RBFOX3: variants seen among roughly 807,000 people sequenced by gnomAD.
RBFOX3 encodes the protein RNA binding fox-1 homolog 3.
RBFOX3 carries 17 observed loss-of-function variants against 48.7 expected under a neutral mutation model. That is an observed-to-expected ratio of 0.35 (90% CI 0.24 to 0.52). The LOEUF is 0.52. RBFOX3 is among the 20% of genes least tolerant of loss of function. The pLI, the probability that RBFOX3 is intolerant of heterozygous loss-of-function variation, is 0.94. For synonymous variants in RBFOX3, 212 were observed against 209.5 expected (o/e 1.01, Z -0.10); for missense variants, 382 against 497.5 (o/e 0.77, Z 2.21).
rs114717368 is a variant in RBFOX3, at chr17:79,244,289, C to T, written c.-73-8484G>A. Reference sequence around the variant, plus strand: ...AGTGATGTAGCCACAGGCTAGGGCGCGCTGAAAACTGCCAGGAGACTTGAA... The same window carrying T: ...AGTGATGTAGCCACAGGCTAGGGCGTGCTGAAAACTGCCAGGAGACTTGAA... On this transcript the variant is annotated intron_variant, in intron 3 of 14. Transcript: ENST00000693108. Among the ~76,000 whole-genome samples, 844 of 152,158 alleles carry T rather than the reference C, an allele frequency of 5.5e-3. 6 individuals are homozygous for T. Among genetic ancestry groups the T allele is most frequent in the African/African-American group, 0.018 (756 of 41,496 alleles).
At chr17:79,250,567 G>A (rs768237450) in intron 3 of RBFOX3, among the ~76,000 whole-genome samples, 10 of 152,180 alleles carry the variant, frequency 6.6e-5, no homozygotes, top group Non-Finnish European at 1.5e-4. Context: ...CTGCTTGGCC[G>A]ATACTCAATG....
intron 1 of RBFOX3, among the ~76,000 whole-genome samples, chr17:79,571,003 A>G (rs1401012252): frequency 9.8e-5 from 15 of 152,348 alleles, no homozygotes; most frequent in Admixed American, 9.8e-4. Flanking sequence ...ATAGAGTGGC[A>G]GGGAGGAGGA....
intron 4 of RBFOX3, among the ~76,000 whole-genome samples, chr17:79,164,877 C>T (rs1199436077): frequency 6.6e-6 from 1 of 152,190 alleles, no homozygotes. Flanking sequence ...TAACTTCCCT[C>T]GCCCCTCTTC....
chr17:79,124,885 G>A (rs2036757314), intron 4 of RBFOX3, among the ~76,000 whole-genome samples: 1 of 151,960 alleles, frequency 6.6e-6, no homozygotes, highest in Non-Finnish European at 1.5e-5. Context: ...TCGTCGGCTG[G>A]CTCTGTCCTG....
chr17:79,259,998 A>T (rs1022531811), intron 3 of RBFOX3, among the ~76,000 whole-genome samples: 3 of 151,822 alleles, frequency 2.0e-5, no homozygotes, highest in African/African-American at 7.3e-5. Flanking sequence ...CTGGCCGCTG[A>T]CTTTCCCTGG....
At chr17:79,230,539 G>C (rs1434759734) in intron 4 of RBFOX3, among the ~76,000 whole-genome samples, 1 of 152,098 alleles carries the variant, frequency 6.6e-6, no homozygotes, top group Non-Finnish European at 1.5e-5. Flanking sequence ...GATTACAGGG[G>C]TGAGCCACGG....
intron 2 of RBFOX3, among the ~76,000 whole-genome samples, chr17:79,430,380 T>C (rs182020971): frequency 6.6e-6 from 1 of 152,260 alleles, no homozygotes; most frequent in Admixed American, 6.5e-5. Flanking sequence ...CATCCGTAAA[T>C]GGAAAACCCC....
intron 2 of RBFOX3, among the ~76,000 whole-genome samples, chr17:79,468,520 G>A (rs1368588994): frequency 6.6e-6 from 1 of 152,168 alleles, no homozygotes; most frequent in Non-Finnish European, 1.5e-5. Flanking sequence ...CACAGACATA[G>A]GTAGATAGAT....
chr17:79,195,727 A>T lies in RBFOX3; in HGVS notation c.-34+40039T>A, dbSNP rs921331416. On this transcript the variant is annotated intron_variant, in intron 4 of 14. Coordinates refer to ENST00000693108, the MANE Select transcript of RBFOX3 (RefSeq NM_001350451.2). The surrounding 1 kb of genome is among the most constrained non-coding windows in gnomAD (Gnocchi z 5.3). Reference sequence around the variant, plus strand: ...CCCTCCCCTACGACCGGACAGCACCAGGAAACCAGCACTCTGTTTTGGGGT... The same window carrying T: ...CCCTCCCCTACGACCGGACAGCACCTGGAAACCAGCACTCTGTTTTGGGGT... 6.6e-6 allele frequency among the ~76,000 whole-genome samples: 1 copy of T among 152,212 alleles called. No individual in the cohort carries two copies. The highest frequency in any genetic ancestry group is 1.5e-5 in the Non-Finnish European group (1 of 68,034).
Position 79,103,228 on chromosome 17 carries a change from A to G in RBFOX3, c.441T>C (p.Thr147=). The part of the protein sequence containing the change: ...SKGFGFVTFE[T]SSDADRAREK... The stretch of plus-strand genomic sequence containing the variant: ...CCCGGGCTCGGTCAGCATCTGAGCT[A>G]GTTTCAAAAGTTACAAACCCAAAAC... The change falls in exon 8 of 15, where the codon ACT becomes ACC. Residue 147 remains threonine (T), a synonymous_variant. Coordinates refer to ENST00000693108, the MANE Select transcript of RBFOX3 (RefSeq NM_001350451.2). The surrounding 1 kb of genome is among the most constrained non-coding windows in gnomAD (Gnocchi z 6.1). 1.3e-6 allele frequency: 2 copies of G among 1,551,270 alleles called. No homozygotes were observed. Among genetic ancestry groups the G allele is most frequent in the South Asian group, 1.2e-5 (1 of 84,058 alleles).
intron 2 of RBFOX3, among the ~76,000 whole-genome samples, chr17:79,331,412 G>C (rs962795493): frequency 1.1e-4 from 16 of 152,264 alleles, no homozygotes; most frequent in African/African-American, 3.9e-4. Flanking sequence ...AAGCCTCTGG[G>C]GGGTGCATCA....
chr17:79,255,228 T>C (rs1298723512), intron 3 of RBFOX3, among the ~76,000 whole-genome samples: 5 of 139,886 alleles, frequency 3.6e-5, no homozygotes, highest in African/African-American at 1.0e-4. Flanking sequence ...TGTGCGTGTG[T>C]GTGTGTGTGT....
chr17:79,133,435 G>A (rs1244590473), intron 4 of RBFOX3, among the ~76,000 whole-genome samples: 3 of 152,072 alleles, frequency 2.0e-5, no homozygotes, highest in African/African-American at 7.2e-5. Flanking sequence ...GCCATCTCTG[G>A]GACACCATGG....
At position 79,115,683 on chromosome 17, in the gene RBFOX3, G is replaced by A. The variant is rs530721444; in HGVS notation, c.33C>T (p.Pro11=). MAQPYPPAQY[P]PPPQNGIPAE... ...CAGGGATGCCGTTCTGTGGCGGAGG[G>A]GGGTACTGGGCGGGGGGGTAGGGCT... is the stretch of plus-strand genomic sequence containing the variant. The change falls in exon 5 of 15, where the codon CCC becomes CCT. Residue 11 remains proline (P), a synonymous_variant. Transcript: ENST00000693108. 11 of 984,818 alleles carry A rather than the reference G, an allele frequency of 1.1e-5. No individual in the cohort carries two copies. Among genetic ancestry groups the A allele is most frequent in the South Asian group, 3.1e-5 (2 of 63,528 alleles). 61.0% of individuals were successfully genotyped at this position (984,818 alleles called of 1,614,324 possible). A position where few individuals can be genotyped will look rare whatever the true frequency, so the allele number is the denominator to read the frequency against.
At chr17:79,467,318 G>A (rs112576744) in intron 2 of RBFOX3, among the ~76,000 whole-genome samples, 4 of 152,286 alleles carry the variant, frequency 2.6e-5, no homozygotes, top group African/African-American at 9.6e-5. Flanking sequence ...AGATTTCAGG[G>A]GATGAGTGAT....
chr17:79,319,266 A>G (rs12949118), intron 2 of RBFOX3, among the ~76,000 whole-genome samples: 45,524 of 152,076 alleles, frequency 0.3, 7,568 homozygotes, highest in African/African-American at 0.44. Flanking sequence ...GCACTGTATC[A>G]CCAAGAAGTA....
chr17:79,356,980 CTA>C (rs1369225622), intron 2 of RBFOX3, among the ~76,000 whole-genome samples: 1 of 152,186 alleles, frequency 6.6e-6, no homozygotes, highest in Non-Finnish European at 1.5e-5. Flanking sequence ...GCTTGAGAAG[CTA>C]TGTCCTAAAG....
chr17:79,577,681 T>A (rs1223982431), intron 1 of RBFOX3, among the ~76,000 whole-genome samples: 1 of 152,228 alleles, frequency 6.6e-6, no homozygotes, highest in Admixed American at 6.5e-5. Context: ...CTGTGGCTTA[T>A]CATTGCTGAC....
intron 14 of RBFOX3, chr17:79,092,756 CT>C: frequency 1.9e-6 from 1 of 514,948 alleles, no homozygotes; most frequent in Non-Finnish European, 2.5e-6. Flanking sequence ...GTCTCGATTT[CT>C]TTCCCCCTAT....
Sources: gnomAD v4.1 joint callset for allele counts (sites outside exome capture counted in the v4.1 genomes callset) on GRCh38, gnomAD v4.1.1 for gene constraint, Gnocchi (gnomAD v3.1) non-coding constraint, MANE v1.5 for transcripts, NCBI Gene and HGNC (gene_info 2026-07-23, HGNC 2026-07-21) for gene names.